The following PLCD3 variants were observed in gnomAD, a reference collection of about 807,000 sequenced individuals.
PLCD3 encodes 1-phosphatidylinositol 4,5-bisphosphate phosphodiesterase delta-3.
PLCD3 carries 62 observed loss-of-function variants against 82.8 expected under a neutral mutation model. The observed-to-expected ratio is 0.75, with a 90% CI of 0.61 to 0.93. The LOEUF is 0.93. Among genes scored for constraint, PLCD3 ranks in the 40% least tolerant of loss-of-function variants. PLCD3 has a pLI of 0.00. For missense variants in PLCD3, 1,023 were observed against 1,103.4 expected (o/e 0.93, Z 1.03); for synonymous variants, 478 against 471.8 (o/e 1.01, Z -0.17).
At position 45,118,723 on chromosome 17, in the gene PLCD3, A is replaced by G; in HGVS notation, c.913+92T>C. On this transcript the variant is annotated intron_variant, in intron 5 of 14. Transcript: ENST00000619929. The surrounding 1 kb of genome is among the most constrained non-coding windows in gnomAD (Gnocchi z 4.1). ...TGGAGGAGGTGAGGTAACCTGCCCG[A>G]GATGATGCCCGCGCCAGCCCGCAGC... 1.5e-6 allele frequency: 2 copies of G among 1,347,372 alleles called. No individual in the cohort carries two copies. Among genetic ancestry groups the G allele is most frequent in the Non-Finnish European group, 2.0e-6 (2 of 996,902 alleles). 83.5% of individuals were successfully genotyped at this position (1,347,372 alleles called of 1,614,324 possible).
chr17:45,115,742 T>C (rs1398646138), intron 8 of PLCD3, among the ~76,000 whole-genome samples: 2 of 152,016 alleles, frequency 1.3e-5, no homozygotes, highest in Non-Finnish European at 2.9e-5. Context: ...ACGCGACAGC[T>C]CAGGACTGAA....
In PLCD3 at chr17:45,120,948, G is replaced by A; in HGVS notation, c.508C>T (p.Leu170Phe). The A allele has an allele frequency of 6.7e-7, 1 of 1,503,674 alleles. No individual in the cohort carries two copies. 93.1% of individuals were successfully genotyped at this position (1,503,674 alleles called of 1,614,324 possible). Residue 170 changes from leucine to phenylalanine, a missense_variant, in exon 3 of 15, where the codon CTC (leucine) becomes TTC (phenylalanine). This residue lies in a region of PLCD3 where 448 missense variants were observed against 406.3 expected (regional missense o/e 1.10). Transcript: ENST00000619929. ...AQRWVRGLTK[L>F]RARLDAMSQR... Reference sequence around the variant, plus strand: ...CTCATGGCGTCCAGGCGCGCGCGGAGCTTGGTCAGACCGCGCACCCAGCGC... The same window carrying A: ...CTCATGGCGTCCAGGCGCGCGCGGAACTTGGTCAGACCGCGCACCCAGCGC...
In PLCD3 at chr17:45,118,761, G is replaced by A; in HGVS notation, c.913+54C>T. The A allele has an allele frequency of 6.5e-7, 1 of 1,543,294 alleles. No individual in the cohort carries two copies. The highest frequency in any genetic ancestry group is 8.8e-7 in the Non-Finnish European group (1 of 1,140,690). ...GCCAGCCCGCAGCAGAACCCGCTTAGCTGGGAACACAGCCCTTTCAGGTGC... is the reference window on the plus strand; with the variant it reads ...GCCAGCCCGCAGCAGAACCCGCTTAACTGGGAACACAGCCCTTTCAGGTGC... On this transcript the variant is annotated intron_variant, in intron 5 of 14. Transcript: ENST00000619929. The surrounding 1 kb of genome is among the most constrained non-coding windows in gnomAD (Gnocchi z 4.1).
intron 1 of PLCD3, among the ~76,000 whole-genome samples, chr17:45,128,847 C>A (rs2054400332): frequency 2.0e-5 from 3 of 152,190 alleles, no homozygotes; most frequent in Admixed American, 2.0e-4. Context: ...ATTTGGCAGC[C>A]CTGTGAGGAC....
At chr17:45,115,316 T>TTCCCC in intron 9 of PLCD3, 28 bp downstream of exon 9, 9 of 1,474,942 alleles carry the variant, frequency 6.1e-6, no homozygotes, top group Admixed American at 4.6e-5. Context: ...TTCCCCCCCT[T>TTCCCC]CCCCACCCCA....
In PLCD3 at chr17:45,113,439, C is replaced by T. The variant is rs1383756927; in HGVS notation, c.1995G>A (p.Gln665=). Residue 665 remains glutamine, a splice_region_variant and synonymous_variant, in exon 12 of 15, where the codon CAG becomes CAA. Transcript: ENST00000619929. ...PGPPRTTLSI[Q]VLTAQQLPKL... Reference sequence around the variant, plus strand: ...CTGGGGCCCGTTCCAGCCTGCTGACCTGGATGCTGAGAGTGGTTCTGGGAG... The same window carrying T: ...CTGGGGCCCGTTCCAGCCTGCTGACTTGGATGCTGAGAGTGGTTCTGGGAG... The T allele has an allele frequency of 1.9e-6, 3 of 1,591,128 alleles. No individual in the cohort carries two copies. In the South Asian group the frequency reaches 3.4e-5, roughly 18 times the overall value.
intron 4 of PLCD3, among the ~76,000 whole-genome samples, chr17:45,119,874 G>A (rs1418699833): frequency 1.3e-5 from 2 of 152,242 alleles, no homozygotes; most frequent in East Asian, 1.9e-4. Context: ...CTGGGCCATA[G>A]CTGCAGAGCC....
Position 45,121,234 on chromosome 17 carries a change from G to C in PLCD3, c.302C>G (p.Pro101Arg). 6.3e-7 allele frequency: 1 copy of C among 1,590,532 alleles called. No homozygotes were observed. Among genetic ancestry groups the C allele is most frequent in the Non-Finnish European group, 8.5e-7 (1 of 1,176,434 alleles). Residue 101 changes from proline (P) to arginine (R), a missense_variant, in exon 2 of 15, where the codon CCG becomes CGG. Pro to Arg is a moderately radical substitution (Grantham distance 103). Around this residue, in one of 3 missense-constraint regions of PLCD3, gnomAD observed 448 missense variants for 406.3 expected, o/e 1.10. Coordinates refer to ENST00000619929, the MANE Select transcript of PLCD3 (RefSeq NM_133373.5). ...GLSVWFQRRI[P>R]RAPSQHIFFV... ...ACAGATGTGCTGCGATGGCGCACGC[G>C]GGATGCGCCGCTGGAACCACACGCT... is the stretch of plus-strand genomic sequence containing the variant.
intron 4 of PLCD3, 37 bp from the exon 5 acceptor site, chr17:45,119,080 A>G: frequency 6.6e-7 from 1 of 1,521,772 alleles, no homozygotes; most frequent in South Asian, 1.2e-5. Flanking sequence ...GGAGGCAGAC[A>G]CTCCAGGAAA....
At position 45,118,794 on chromosome 17, in the gene PLCD3, T is replaced by C. The variant is rs762156782; in HGVS notation, c.913+21A>G. ...CACAGCCCTTTCAGGTGCCACGACC[T>C]GGCCGTGCCACCCCCCCCACCTGTC... On this transcript the variant is annotated intron_variant, in intron 5 of 14. Transcript: ENST00000619929. The surrounding 1 kb of genome is among the most constrained non-coding windows in gnomAD (Gnocchi z 4.1). 2 of 1,589,248 alleles carry C rather than the reference T, an allele frequency of 1.3e-6. No homozygotes were observed. The highest frequency in any genetic ancestry group is 3.4e-5 in the Admixed American group (2 of 58,802).
chr17:45,116,011 G>A (rs2054288329), intron 8 of PLCD3, among the ~76,000 whole-genome samples: 1 of 152,180 alleles, frequency 6.6e-6, no homozygotes, highest in Non-Finnish European at 1.5e-5. Flanking sequence ...TTTACCATAC[G>A]GGTGTGATTT....
intron 4 of PLCD3, among the ~76,000 whole-genome samples, chr17:45,119,779 C>T (rs939692786): frequency 6.6e-6 from 1 of 152,234 alleles, no homozygotes; most frequent in Non-Finnish European, 1.5e-5. Flanking sequence ...CCCAGGGGTC[C>T]AGCTGCCATG....
rs3744757 is a variant in PLCD3, at chr17:45,112,447, G to T, written c.*169C>A. ...CTTTCTGTTCTTCAGGAGGGGCCCA[G>T]GCAGCCCTCAGCACCCAGGTGAGAC... On this transcript the variant is annotated 3_prime_UTR_variant, in exon 15 of 15. Coordinates refer to ENST00000619929, the MANE Select transcript of PLCD3 (RefSeq NM_133373.5). 6 of 715,422 alleles carry T rather than the reference G, an allele frequency of 8.4e-6. No homozygotes were observed. Among genetic ancestry groups the T allele is most frequent in the African/African-American group, 3.5e-5 (2 of 57,152 alleles). 44.3% of individuals were successfully genotyped at this position (715,422 alleles called of 1,614,324 possible).
Position 45,121,068 on chromosome 17 carries a change from C to G in PLCD3, c.388G>C (p.Gly130Arg). ...CAGCGCGCTGGCGCGAAGGCACCCCCGAAGCGCCGCAGGCCCTCGGACTGG... is the reference window on the plus strand; with the variant it reads ...CAGCGCGCTGGCGCGAAGGCACCCCGGAAGCGCCGCAGGCCCTCGGACTGG... Reference protein sequence around the residue: ...GHQSEGLRRFGGAFAPARCLT... With the variant: ...GHQSEGLRRFRGAFAPARCLT... Residue 130 changes from glycine (G) to arginine (R), a missense_variant, in exon 3 of 15, where the codon GGG becomes CGG. Transcript: ENST00000619929. 6.5e-7 allele frequency: 1 copy of G among 1,542,048 alleles called. No individual in the cohort carries two copies. The highest frequency in any genetic ancestry group is 8.7e-7 in the Non-Finnish European group (1 of 1,152,248).
chr17:45,123,626 G>C (rs62066672), intron 1 of PLCD3, among the ~76,000 whole-genome samples: 1 of 152,128 alleles, frequency 6.6e-6, no homozygotes, highest in South Asian at 2.1e-4. Context: ...TTACCCAGGG[G>C]AGGCTGCAGA....
chr17:45,118,232 C>T lies in PLCD3; in HGVS notation c.1115+59G>A. 1 of 1,611,178 alleles carries T rather than the reference C, an allele frequency of 6.2e-7. No homozygotes were observed. Among genetic ancestry groups the T allele is most frequent in the Admixed American group, 1.7e-5 (1 of 59,892 alleles). On this transcript the variant is annotated intron_variant, in intron 6 of 14. Transcript: ENST00000619929. This position sits in a 1 kb window ranked among gnomAD's most constrained non-coding sequence, Gnocchi z 4.1. ...GCTGGGCCAGGAAGGCCCCAGGAAGCCAGCCCATGTCTCTCCCCAGGTGGG... is the reference window on the plus strand; with the variant it reads ...GCTGGGCCAGGAAGGCCCCAGGAAGTCAGCCCATGTCTCTCCCCAGGTGGG...
chr17:45,118,257 G>T lies in PLCD3; in HGVS notation c.1115+34C>A. ...CCAGCCCATGTCTCTCCCCAGGTGG[G>T]GCTCCCGGAAACATTCACCCCCTGC... On this transcript the variant is annotated intron_variant, in intron 6 of 14. Coordinates refer to ENST00000619929, the MANE Select transcript of PLCD3 (RefSeq NM_133373.5). This position sits in a 1 kb window ranked among gnomAD's most constrained non-coding sequence, Gnocchi z 4.1. 6.2e-7 allele frequency: 1 copy of T among 1,613,122 alleles called. No individual in the cohort carries two copies. The highest frequency in any genetic ancestry group is 1.3e-5 in the African/African-American group (1 of 75,034).
intron 1 of PLCD3, among the ~76,000 whole-genome samples, chr17:45,128,678 C>T (rs553008729): frequency 5.2e-4 from 79 of 152,210 alleles, no homozygotes; most frequent in Non-Finnish European, 9.0e-4. Context: ...AGCATCAGGG[C>T]ACAGGCACAC....
At chr17:45,127,885 C>T (rs553920970) in intron 1 of PLCD3, among the ~76,000 whole-genome samples, 24 of 151,916 alleles carry the variant, frequency 1.6e-4, no homozygotes, top group Admixed American at 8.5e-4. Flanking sequence ...GGGAAATAGG[C>T]GGCTCGCACT....
Sources: gnomAD v4.1 joint callset for allele counts (sites outside exome capture counted in the v4.1 genomes callset) on GRCh38, gnomAD v4.1.1 for gene constraint, gnomAD v4.1.1 regional missense constraint, Gnocchi (gnomAD v3.1) non-coding constraint, MANE v1.5 for transcripts, NCBI Gene and HGNC (gene_info 2026-07-23, HGNC 2026-07-21) for gene names.